Variants in STAU1 observed in about 807,000 individuals in gnomAD.
STAU1 encodes double-stranded RNA-binding protein Staufen homolog 1.
Under a neutral mutation model 62.9 loss-of-function variants are expected in STAU1, and 13 were observed. The ratio of observed to expected loss-of-function variants is 0.21; its 90% CI spans 0.13 to 0.33. STAU1 has a LOEUF of 0.33. STAU1 is among the 10% of genes least tolerant of loss of function. The pLI is 1.00. For missense variants in STAU1, 571 were observed against 712.1 expected (o/e 0.80, Z 2.25); for synonymous variants, 269 against 265.1 (o/e 1.01, Z -0.14).
chr20:49,208,084 G>A, the STAU1 span, among the ~76,000 whole-genome samples: 1 of 151,790 alleles, frequency 6.6e-6, no homozygotes. Context: ...GTTTTGAGAC[G>A]GAGTCTCACT....
At chr20:49,205,569 T>G in the STAU1 span, among the ~76,000 whole-genome samples, 1 of 151,992 alleles carries the variant, frequency 6.6e-6, no homozygotes, top group South Asian at 2.1e-4. Context: ...TTTCACCATG[T>G]TGGTCAGGCT....
chr20:49,213,968 T>C, the STAU1 span, among the ~76,000 whole-genome samples: 2 of 152,128 alleles, frequency 1.3e-5, no homozygotes, highest in Non-Finnish European at 2.9e-5. Context: ...TCCCAGCACT[T>C]TGGGAGGCCG....
the STAU1 span, among the ~76,000 whole-genome samples, chr20:49,207,205 G>A: frequency 6.6e-6 from 1 of 151,614 alleles, no homozygotes; most frequent in Non-Finnish European, 1.5e-5. Flanking sequence ...CAGCCTAGGC[G>A]ACCGAGTGAG....
At chr20:49,179,885 G>A (rs1374159560) in intron 1 of STAU1, among the ~76,000 whole-genome samples, 8 of 152,172 alleles carry the variant, frequency 5.3e-5, no homozygotes, top group Non-Finnish European at 1.2e-4. Context: ...AATGAGACAT[G>A]CTATGTCATT....
chr20:49,186,089 C>T (rs546455668), intron 1 of STAU1, among the ~76,000 whole-genome samples: 6 of 152,192 alleles, frequency 3.9e-5, no homozygotes, highest in Non-Finnish European at 7.4e-5. Context: ...CGTGAGCCAC[C>T]GCGCCTAACC....
chr20:49,121,191 G>A (rs1414805676), intron 8 of STAU1, among the ~76,000 whole-genome samples: 1 of 152,108 alleles, frequency 6.6e-6, no homozygotes, highest in Non-Finnish European at 1.5e-5. Flanking sequence ...TGGATCACCT[G>A]AGGTCAGGAG....
chr20:49,159,275 T>C (rs1173066345), intron 3 of STAU1: 15 of 437,026 alleles, frequency 3.4e-5, no homozygotes, highest in Non-Finnish European at 4.3e-5. Context: ...ATCTTGGTTT[T>C]GATAGAACCA....
chr20:49,137,704 C>A, intron 5 of STAU1, among the ~76,000 whole-genome samples: 1 of 151,502 alleles, frequency 6.6e-6, no homozygotes, highest in Non-Finnish European at 1.5e-5. Context: ...TTGCTCGTGT[C>A]GCCCAGGCTG....
the STAU1 span, among the ~76,000 whole-genome samples, chr20:49,206,745 ATATATATT>A: frequency 9.9e-6 from 1 of 100,664 alleles, no homozygotes; most frequent in African/African-American, 4.4e-5. Context: ...ATATATATAT[ATATATATT>A]TTATTTTATT....
intron 6 of STAU1, among the ~76,000 whole-genome samples, chr20:49,129,279 A>ATTTTTTT (rs1337866356): frequency 2.7e-4 from 28 of 101,968 alleles, no homozygotes; most frequent in African/African-American, 5.7e-4. Flanking sequence ...TTTAAAAAAA[A>ATTTTTTT]ATTTTTTTTT....
At position 49,116,886 on chromosome 20, in the gene STAU1, C is replaced by CAGGGAAAAGGA. The variant is rs554565591; in HGVS notation, c.1632+229_1632+239dup. On this transcript the variant is annotated intron_variant, in intron 12 of 13. Coordinates refer to ENST00000371856, the MANE Select transcript of STAU1 (RefSeq NM_017453.4). ...GATCCCAGTTGCCCCTCCAGGCCAG[C>CAGGGAAAAGGA]AGGGAAAAGGAAGGGAAAGGTGGGC... 9.4e-4 allele frequency among the ~76,000 whole-genome samples: 143 copies of CAGGGAAAAGGA among 152,130 alleles called. 1 individual carries two copies. The highest frequency in any genetic ancestry group is 9.1e-3 in the South Asian group (44 of 4,816).
At chr20:49,210,233 C>T in the STAU1 span, among the ~76,000 whole-genome samples, 1 of 152,042 alleles carries the variant, frequency 6.6e-6, no homozygotes, top group African/African-American at 2.4e-5. Context: ...GTTCCTTTTG[C>T]ATAGTTTTCT....
At chr20:49,196,696 C>T in the STAU1 span, among the ~76,000 whole-genome samples, 1 of 151,020 alleles carries the variant, frequency 6.6e-6, no homozygotes, top group African/African-American at 2.4e-5. Flanking sequence ...ACCCAGGAGC[C>T]GGAGGCTGCA....
chr20:49,141,984 G>A (rs991108335), intron 5 of STAU1, among the ~76,000 whole-genome samples: 1 of 151,718 alleles, frequency 6.6e-6, no homozygotes, highest in African/African-American at 2.4e-5. Context: ...AGCACTTTGG[G>A]AGGTCAAGGC....
chr20:49,178,444 T>C (rs1454191571), intron 1 of STAU1, among the ~76,000 whole-genome samples: 2 of 151,764 alleles, frequency 1.3e-5, no homozygotes, highest in Non-Finnish European at 2.9e-5. Context: ...TGAAATCCCA[T>C]CTCTACTAAA....
chr20:49,114,228 C>A lies in STAU1; in HGVS notation c.*650G>T, dbSNP rs1201241353. Reference sequence around the variant, plus strand: ...CCAAACTGTGCTATTTAACTAGATACAATTGAGAAATTCTCAAATGAAAAT... The same window carrying A: ...CCAAACTGTGCTATTTAACTAGATAAAATTGAGAAATTCTCAAATGAAAAT... On this transcript the variant is annotated 3_prime_UTR_variant, in exon 14 of 14. Transcript: ENST00000371856. 2 of 152,496 alleles carry A rather than the reference C, an allele frequency of 1.3e-5. No homozygotes were observed. Among genetic ancestry groups the A allele is most frequent in the Non-Finnish European group, 2.9e-5 (2 of 68,046 alleles). 9.4% of individuals were successfully genotyped at this position (152,496 alleles called of 1,614,324 possible). A position where few individuals can be genotyped will look rare whatever the true frequency, so the allele number is the denominator to read the frequency against.
the STAU1 span, chr20:49,210,449 T>C: frequency 2.2e-6 from 1 of 456,040 alleles, no homozygotes; most frequent in Non-Finnish European, 4.4e-6. Context: ...ACCAACTTTT[T>C]TCTTCCTCCT....
At chr20:49,135,076 C>A in intron 6 of STAU1, 8 of 1,145,034 alleles carry the variant, frequency 7.0e-6, no homozygotes, top group South Asian at 2.5e-5. Flanking sequence ...GCAAGATGTA[C>A]ACAATCTTTT....
intron 3 of STAU1, among the ~76,000 whole-genome samples, chr20:49,157,734 T>C (rs1419838402): frequency 6.6e-6 from 1 of 151,958 alleles, no homozygotes; most frequent in East Asian, 2.0e-4. Flanking sequence ...CGCCTTGGAC[T>C]CTCAAAGTGC....
Sources: gnomAD v4.1 joint callset for allele counts (sites outside exome capture counted in the v4.1 genomes callset) on GRCh38, gnomAD v4.1.1 for gene constraint, MANE v1.5 for transcripts, NCBI Gene and HGNC (gene_info 2026-07-23, HGNC 2026-07-21) for gene names.